The following MYO5B variants were observed in gnomAD, a reference collection of about 807,000 sequenced individuals.
MYO5B encodes unconventional myosin-Vb.
MYO5B carries 143 observed loss-of-function variants against 229.3 expected under a neutral mutation model. The observed-to-expected ratio is 0.62, with a 90% CI of 0.54 to 0.72. The LOEUF (loss-of-function observed/expected upper bound fraction) is 0.72, where lower values mean the gene tolerates loss of function less well. Among genes scored for constraint, MYO5B ranks in the 30% least tolerant of loss-of-function variants. MYO5B has a pLI of 0.00. For missense variants in MYO5B, 2,321 were observed against 2,331.0 expected, an observed-to-expected ratio of 1.00 and a Z score of 0.09; for synonymous variants, 918 against 885.2, an observed-to-expected ratio of 1.04 and a Z score of -0.66.
chr18:49,934,937 C>T (rs186681614), intron 16 of MYO5B, among the ~76,000 whole-genome samples: 1 of 152,236 alleles, frequency 6.6e-6, no homozygotes, highest in East Asian at 1.9e-4. Context: ...AAACAGAAAT[C>T]ATGGGGAAGG....
chr18:50,087,679 C>T (rs1043853709), intron 1 of MYO5B, among the ~76,000 whole-genome samples: 6 of 152,040 alleles, frequency 3.9e-5, no homozygotes, highest in African/African-American at 1.5e-4. Flanking sequence ...GTAAAAACCT[C>T]TAAATAAACA....
chr18:50,107,084 AG>A (rs2031774368), intron 1 of MYO5B, among the ~76,000 whole-genome samples: 1 of 139,570 alleles, frequency 7.2e-6, no homozygotes. Flanking sequence ...TGCCTGGTCC[AG>A]GGTTTCCTAA....
intron 1 of MYO5B, among the ~76,000 whole-genome samples, chr18:50,070,059 T>TCA (rs1353045580): frequency 6.8e-6 from 1 of 146,948 alleles, no homozygotes; most frequent in Non-Finnish European, 1.5e-5. Context: ...TCTTACTCTG[T>TCA]CACCCAGGCT....
intron 1 of MYO5B, among the ~76,000 whole-genome samples, chr18:50,085,753 A>T (rs1380241746): frequency 4.6e-5 from 7 of 152,226 alleles, no homozygotes; most frequent in Non-Finnish European, 1.0e-4. Flanking sequence ...TGATGAGTTC[A>T]TGTCCTTTGT....
intron 30 of MYO5B, among the ~76,000 whole-genome samples, chr18:49,853,987 T>A (rs1445245179): frequency 6.6e-6 from 1 of 152,242 alleles, no homozygotes; most frequent in Non-Finnish European, 1.5e-5. Flanking sequence ...AATACATCTC[T>A]TAAAGCATCT....
In MYO5B at chr18:50,096,349, C is replaced by G. The variant is rs147096394; in HGVS notation, c.28-40971G>C. 4.4e-3 allele frequency among the ~76,000 whole-genome samples: 669 copies of G among 152,234 alleles called. 7 individuals are homozygous for G. Among genetic ancestry groups the G allele is most frequent in the African/African-American group, 0.013 (559 of 41,540 alleles). On this transcript the variant is annotated intron_variant, in intron 1 of 39. Transcript: ENST00000285039. ...CTTCTCACACCAAATTCCCCCCTTT[C>G]CCCCTCTGAAGCATTCTGACTCAAG... is the stretch of plus-strand genomic sequence containing the variant.
chr18:49,852,438 G>A (rs2024212453), intron 31 of MYO5B, among the ~76,000 whole-genome samples: 1 of 152,188 alleles, frequency 6.6e-6, no homozygotes, highest in Non-Finnish European at 1.5e-5. Context: ...GGAGAGAGAG[G>A]GAGGGAGGGA....
chr18:50,038,038 A>G (rs999678164), intron 3 of MYO5B, among the ~76,000 whole-genome samples: 6 of 152,230 alleles, frequency 3.9e-5, no homozygotes, highest in African/African-American at 1.4e-4. Flanking sequence ...CAGTAAATAC[A>G]TGTTGATTGA....
chr18:50,013,317 T>C (rs2026182146), intron 4 of MYO5B, among the ~76,000 whole-genome samples: 1 of 152,246 alleles, frequency 6.6e-6, no homozygotes, highest in African/African-American at 2.4e-5. Context: ...TGGGAAATCC[T>C]GGCCTACAGG....
rs144799608 is a variant in MYO5B, at chr18:49,823,966, T to C, written c.*2505A>G. ...ATTAAAATTATTCCCACAGCAACAC[T>C]TATTTCAGAGAAACAACTGATGTCA... On this transcript the variant is annotated 3_prime_UTR_variant, in exon 40 of 40. Transcript: ENST00000285039. 5.2e-5 allele frequency: 8 copies of C among 152,704 alleles called. No individual in the cohort carries two copies. Among genetic ancestry groups the C allele is most frequent in the African/African-American group, 1.9e-4 (8 of 41,534 alleles). 9.5% of individuals were successfully genotyped at this position (152,704 alleles called of 1,614,324 possible). A position where few individuals can be genotyped will look rare whatever the true frequency, so the allele number is the denominator to read the frequency against.
At chr18:49,935,305 T>C (rs575170421) in intron 16 of MYO5B, among the ~76,000 whole-genome samples, 1 of 152,254 alleles carries the variant, frequency 6.6e-6, no homozygotes, top group Non-Finnish European at 1.5e-5. Context: ...CAGAATTCAG[T>C]TCCTCACTCA....
chr18:50,075,784 T>C (rs1434796238), intron 1 of MYO5B, among the ~76,000 whole-genome samples: 3 of 152,242 alleles, frequency 2.0e-5, no homozygotes. Flanking sequence ...CGAGTTTTCA[T>C]TCTAACAGGA....
intron 2 of MYO5B, among the ~76,000 whole-genome samples, chr18:50,042,667 C>T (rs1346904379): frequency 6.6e-6 from 1 of 151,858 alleles, no homozygotes; most frequent in Non-Finnish European, 1.5e-5. Context: ...CTGGTATTAG[C>T]AGGATTCTTA....
At chr18:50,116,895 A>G (rs1467577661) in intron 1 of MYO5B, among the ~76,000 whole-genome samples, 2 of 152,162 alleles carry the variant, frequency 1.3e-5, no homozygotes, top group Admixed American at 6.5e-5. Context: ...TCAACAATGA[A>G]GAATCAGCAT....
chr18:50,024,356 G>A (rs1420923919), intron 4 of MYO5B, among the ~76,000 whole-genome samples: 1 of 107,106 alleles, frequency 9.3e-6, no homozygotes, highest in East Asian at 3.5e-4. Flanking sequence ...ACTAAGCAGA[G>A]AAGTCCTGGG....
intron 1 of MYO5B, among the ~76,000 whole-genome samples, chr18:50,163,201 T>C (rs2032795795): frequency 6.6e-6 from 1 of 152,168 alleles, no homozygotes; most frequent in African/African-American, 2.4e-5. Flanking sequence ...CTAATATTTT[T>C]TCCTTTTTCC....
At chr18:50,151,159 GCTT>G (rs1285157537) in intron 1 of MYO5B, among the ~76,000 whole-genome samples, 1 of 152,194 alleles carries the variant, frequency 6.6e-6, no homozygotes, top group African/African-American at 2.4e-5. Context: ...GGTCACTTTT[GCTT>G]CTTATTGTTT....
At chr18:49,863,463 C>A in intron 28 of MYO5B, 136 bp from the exon 29 acceptor site, 2 of 757,748 alleles carry the variant, frequency 2.6e-6, no homozygotes, top group Non-Finnish European at 4.6e-6. Flanking sequence ...ACAATCAAAC[C>A]CACGCCAGGA....
intron 10 of MYO5B, among the ~76,000 whole-genome samples, chr18:49,968,175 T>C (rs77391250): frequency 0.017 from 2,563 of 152,236 alleles, 77 homozygotes; most frequent in African/African-American, 0.058. Context: ...AAATTGTATG[T>C]GTTGTAGGCT....
Sources: allele counts gnomAD v4.1 joint callset (sites outside exome capture counted in the v4.1 genomes callset), GRCh38; gene constraint gnomAD v4.1.1; transcripts MANE v1.5; gene names NCBI Gene and HGNC (gene_info 2026-07-23, HGNC 2026-07-21).